P4HA1: variants seen among roughly 807,000 people sequenced by gnomAD.
P4HA1 encodes the protein prolyl 4-hydroxylase subunit alpha 1, also known as prolyl 4-hydroxylase subunit alpha-1.
P4HA1 carries 24 observed loss-of-function variants against 72.8 expected under a neutral mutation model. The observed-to-expected ratio is 0.33, with a 90% CI of 0.24 to 0.46. The LOEUF is 0.46. Among genes scored for constraint, P4HA1 ranks in the 20% least tolerant of loss-of-function variants. P4HA1 has a pLI of 1.00. For synonymous variants in P4HA1, 201 were observed against 218.8 expected, an observed-to-expected ratio of 0.92 and a Z score of 0.72; for missense variants, 446 against 640.6, an observed-to-expected ratio of 0.70 and a Z score of 3.28.
intron 10 of P4HA1, 56 bp downstream of exon 10, chr10:73,030,212 TCTC>T: frequency 1.3e-6 from 1 of 795,456 alleles, no homozygotes; most frequent in Admixed American, 2.5e-5. Flanking sequence ...TGTCAGGAAA[TCTC>T]CTCTCAAGCA....
At chr10:73,044,055 G>T in intron 9 of P4HA1, 1 of 793,702 alleles carries the variant, frequency 1.3e-6, no homozygotes, top group Non-Finnish European at 2.1e-6. Context: ...GATTGGAAGG[G>T]TTCAGATTGG....
At chr10:73,026,810 A>G (rs1167147344) in intron 10 of P4HA1, among the ~76,000 whole-genome samples, 1 of 152,268 alleles carries the variant, frequency 6.6e-6, no homozygotes, top group Non-Finnish European at 1.5e-5. Context: ...CACTTCTCAA[A>G]AGAAGACATT....
intron 14 of P4HA1, among the ~76,000 whole-genome samples, chr10:73,009,185 C>T (rs1204683071): frequency 6.6e-6 from 1 of 152,178 alleles, no homozygotes; most frequent in East Asian, 1.9e-4. Context: ...TATGTAACCA[C>T]TCAACATGTG....
At chr10:73,032,780 AAG>A (rs1840462823) in intron 9 of P4HA1, among the ~76,000 whole-genome samples, 2 of 152,188 alleles carry the variant, frequency 1.3e-5, no homozygotes, top group Admixed American at 1.3e-4. Flanking sequence ...GAGCAAGCGT[AAG>A]AGAGAGAGCA....
At chr10:73,027,896 G>GGGACAGAGGGAA (rs1323945410) in intron 10 of P4HA1, among the ~76,000 whole-genome samples, 1 of 150,900 alleles carries the variant, frequency 6.6e-6, no homozygotes, top group African/African-American at 2.4e-5. Context: ...GACAGAGGGA[G>GGGACAGAGGGAA]GGAGGGAAGA....
At chr10:73,017,700 A>C (rs1440964819) in intron 10 of P4HA1, among the ~76,000 whole-genome samples, 1 of 152,192 alleles carries the variant, frequency 6.6e-6, no homozygotes, top group Non-Finnish European at 1.5e-5. Flanking sequence ...GAAGGGCCCT[A>C]ACAACTTCAG....
chr10:73,080,217 A>C (rs1291876817), intron 1 of P4HA1, among the ~76,000 whole-genome samples: 1 of 152,244 alleles, frequency 6.6e-6, no homozygotes, highest in African/African-American at 2.4e-5. Context: ...TACAATAGGA[A>C]GTTCAGACCC....
chr10:73,068,939 C>G lies in P4HA1; in HGVS notation c.370G>C (p.Asp124His). 1 of 1,612,262 alleles carries G rather than the reference C, an allele frequency of 6.2e-7. No individual in the cohort carries two copies. Among genetic ancestry groups the G allele is most frequent in the Non-Finnish European group, 8.5e-7 (1 of 1,178,678 alleles). ...LTIQRQYFPN[D>H]EDQVGAAKAL... The stretch of plus-strand genomic sequence containing the variant: ...TTGGCTGCCCCAACCTGATCTTCAT[C>G]ATTAGGAAAGTACTGTCTCTGAATG... The change falls in exon 5 of 15, where the codon GAT (aspartate) becomes CAT (histidine). Residue 124 changes from aspartate (D) to histidine (H), a missense_variant. By Grantham distance (81) the Asp-to-His change is moderately conservative. Transcript: ENST00000394890.
intron 7 of P4HA1, among the ~76,000 whole-genome samples, chr10:73,047,717 T>C (rs560419679): frequency 6.6e-6 from 1 of 152,142 alleles, no homozygotes; most frequent in Admixed American, 6.6e-5. Flanking sequence ...CTATGTATTA[T>C]ATTAATAAGT....
intron 1 of P4HA1, among the ~76,000 whole-genome samples, chr10:73,086,675 G>A (rs962245359): frequency 6.6e-6 from 1 of 152,180 alleles, no homozygotes; most frequent in Non-Finnish European, 1.5e-5. Context: ...GCTCACGCCT[G>A]TAATCCCGGC....
intron 1 of P4HA1, among the ~76,000 whole-genome samples, chr10:73,088,875 C>T (rs1589632612): frequency 1.3e-5 from 2 of 152,318 alleles, no homozygotes; most frequent in South Asian, 4.1e-4. Context: ...TCCAATACCA[C>T]AGTCTTGGTT....
chr10:73,066,611 G>A (rs1206151772), intron 5 of P4HA1, among the ~76,000 whole-genome samples: 1 of 151,974 alleles, frequency 6.6e-6, no homozygotes, highest in East Asian at 1.9e-4. Flanking sequence ...TTGAACTCCT[G>A]GGCTCAAGTG....
chr10:73,074,046 T>C lies in P4HA1; in HGVS notation c.77-219A>G, dbSNP rs1589621365. 1.9e-5 allele frequency: 10 copies of C among 529,196 alleles called. No homozygotes were observed. The East Asian group carries it at 3.0e-4, about 16-fold the overall frequency. The allele number at this position is 529,196 out of a possible 1,614,324, so 32.8% of individuals were successfully genotyped here. A position where few individuals can be genotyped will look rare whatever the true frequency, so the allele number is the denominator to read the frequency against. ...GTTCTAATTTTTAAGCCACTTGATT[T>C]TGCAAGCTTTAGACTGTGCTAGCAA... On this transcript the variant is annotated intron_variant, in intron 2 of 14. Transcript: ENST00000394890.
intron 5 of P4HA1, among the ~76,000 whole-genome samples, chr10:73,068,440 C>T (rs2133125106): frequency 6.6e-6 from 1 of 152,278 alleles, no homozygotes; most frequent in Admixed American, 6.5e-5. Flanking sequence ...ACACTTTAAA[C>T]ATATGTGGAT....
chr10:73,048,447 T>C (rs2133092393), intron 7 of P4HA1, among the ~76,000 whole-genome samples: 1 of 152,160 alleles, frequency 6.6e-6, no homozygotes, highest in East Asian at 1.9e-4. Flanking sequence ...GTATTTTTAG[T>C]AGAGATGGGG....
rs200052648 is a variant in P4HA1, at chr10:73,030,254, A to G, written c.1248+17T>C. Reference sequence around the variant, plus strand: ...CCTGAAGTGTAAAAATGACTTAAGGATAATGTGATTACCTACCTGTAATTC... The same window carrying G: ...CCTGAAGTGTAAAAATGACTTAAGGGTAATGTGATTACCTACCTGTAATTC... On this transcript the variant is annotated intron_variant, in intron 10 of 14. Transcript: ENST00000394890. 337 of 1,329,264 alleles carry G rather than the reference A, an allele frequency of 2.5e-4. 5 individuals are homozygous for G. In the South Asian group the frequency reaches 4.5e-3, roughly 18 times the overall value. 82.3% of individuals were successfully genotyped at this position (1,329,264 alleles called of 1,614,324 possible).
intron 7 of P4HA1, among the ~76,000 whole-genome samples, chr10:73,049,127 A>G (rs1245623062): frequency 1.3e-5 from 2 of 150,056 alleles, no homozygotes; most frequent in Non-Finnish European, 2.9e-5. Flanking sequence ...AGAGAAAAAA[A>G]AAAGAAAATA....
At position 73,008,039 on chromosome 10, in the gene P4HA1, G is replaced by A. The variant is rs145961397; in HGVS notation, c.*183C>T. 3.8e-4 allele frequency: 130 copies of A among 338,730 alleles called. 1 individual carries two copies. The African/African-American group carries it at 5.6e-3, about 15-fold the overall frequency. The allele number at this position is 338,730 out of a possible 1,614,324, so 21.0% of individuals were successfully genotyped here. On this transcript the variant is annotated 3_prime_UTR_variant, in exon 15 of 15. Coordinates refer to ENST00000394890, the MANE Select transcript of P4HA1 (RefSeq NM_001017962.3). ...AGGTTTTATGCAATATGATGATTTC[G>A]TGTTACTTTTAAAAGAACCCACAAA...
At chr10:73,056,422 G>A (rs190491497) in intron 5 of P4HA1, among the ~76,000 whole-genome samples, 84 of 151,840 alleles carry the variant, frequency 5.5e-4, no homozygotes, top group African/African-American at 2.0e-3. Flanking sequence ...ACCTGAGGTC[G>A]GAAATTCGAG....
Sources: allele counts gnomAD v4.1 joint callset (sites outside exome capture counted in the v4.1 genomes callset), GRCh38; gene constraint gnomAD v4.1.1; transcripts MANE v1.5; gene names NCBI Gene and HGNC (gene_info 2026-07-23, HGNC 2026-07-21).